The following OTULINL variants were observed in gnomAD, a reference collection of about 807,000 sequenced individuals.
OTULINL encodes inactive ubiquitin thioesterase OTULINL.
In OTULINL, 42 loss-of-function variants were observed where a neutral mutation model predicts 43.9. That is an observed-to-expected ratio of 0.96 (90% CI 0.75 to 1.24). The LOEUF is 1.24. Among genes scored for constraint, OTULINL ranks in the 50% most tolerant of loss-of-function variants. The pLI is 0.00. For missense variants in OTULINL, 411 were observed against 426.4 expected (o/e 0.96, Z 0.32); for synonymous variants, 172 against 153.6 (o/e 1.12, Z -0.88).
In OTULINL at chr5:14,613,208, C is replaced by G. The variant is rs897401136; in HGVS notation, c.*2894C>G. Among the ~76,000 whole-genome samples the G allele has an allele frequency of 9.2e-5, 14 of 152,214 alleles. No homozygotes were observed. Among genetic ancestry groups the G allele is most frequent in the Non-Finnish European group, 1.9e-4 (13 of 68,032 alleles). On this transcript the variant is annotated 3_prime_UTR_variant, in exon 8 of 8. Transcript: ENST00000274217. ...AAGTGCTGGGATTACGGGTGTGAGC[C>G]ACTGCGCCCGGCCCTAACAATTTTT...
intron 1 of OTULINL, among the ~76,000 whole-genome samples, chr5:14,587,300 G>T (rs1002489938): frequency 6.6e-6 from 1 of 152,198 alleles, no homozygotes; most frequent in African/African-American, 2.4e-5. Flanking sequence ...AATGCACCAC[G>T]TGGACAGGTC....
At chr5:14,583,555 C>T (rs1024828916) in intron 1 of OTULINL, among the ~76,000 whole-genome samples, 1 of 152,170 alleles carries the variant, frequency 6.6e-6, no homozygotes, top group African/African-American at 2.4e-5. Context: ...CGGAATTTTT[C>T]CTTTCTTTGC....
intron 5 of OTULINL, among the ~76,000 whole-genome samples, chr5:14,605,274 C>A (rs1306669481): frequency 6.6e-6 from 1 of 152,012 alleles, no homozygotes; most frequent in Non-Finnish European, 1.5e-5. Flanking sequence ...TGCTTGGCCC[C>A]TTTTAGTCAT....
intron 1 of OTULINL, among the ~76,000 whole-genome samples, chr5:14,595,231 G>A (rs1394421484): frequency 6.6e-6 from 1 of 152,194 alleles, no homozygotes; most frequent in Non-Finnish European, 1.5e-5. Flanking sequence ...AGGTGACAGA[G>A]TCTGTGTGTA....
intron 1 of OTULINL, among the ~76,000 whole-genome samples, chr5:14,588,228 C>T (rs980016880): frequency 6.6e-6 from 1 of 152,178 alleles, no homozygotes; most frequent in Non-Finnish European, 1.5e-5. Flanking sequence ...ATTCCTCCAA[C>T]ATAACTCTGA....
chr5:14,610,058 C>A, intron 7 of OTULINL, 83 bp from the exon 8 acceptor site: 2 of 1,215,482 alleles, frequency 1.6e-6, no homozygotes, highest in Non-Finnish European at 2.4e-6. Context: ...TCATAAACTG[C>A]AGAGGAACAC....
At chr5:14,583,730 A>G (rs1759058006) in intron 1 of OTULINL, among the ~76,000 whole-genome samples, 1 of 152,242 alleles carries the variant, frequency 6.6e-6, no homozygotes, top group Non-Finnish European at 1.5e-5. Flanking sequence ...ACTTACAAGC[A>G]TAGTTTCCCT....
At position 14,607,403 on chromosome 5, in the gene OTULINL, C is replaced by T. The variant is rs1759501339; in HGVS notation, c.572C>T (p.Thr191Ile). 2 of 1,614,086 alleles carry T rather than the reference C, an allele frequency of 1.2e-6. No individual in the cohort carries two copies. The highest frequency in any genetic ancestry group is 1.7e-6 in the Non-Finnish European group (2 of 1,180,004). ...TACAGTTTTGGTCCTGAGAAGTATA[C>T]AGGCTCGAATGTGTTTGGAAAACTA... Reference protein sequence around the residue: ...QQYSFGPEKYTGSNVFGKLRK... With the variant: ...QQYSFGPEKYIGSNVFGKLRK... The change falls in exon 6 of 8, where the codon ACA becomes ATA. Residue 191 changes from threonine to isoleucine, a missense_variant. Physicochemically the swap from Thr to Ile is moderately conservative, Grantham distance 89 (BLOSUM62 -1). Transcript: ENST00000274217.
At chr5:14,592,967 G>A (rs1020049875) in intron 1 of OTULINL, among the ~76,000 whole-genome samples, 3 of 152,182 alleles carry the variant, frequency 2.0e-5, no homozygotes, top group African/African-American at 2.4e-5. Flanking sequence ...ACTTCGTTTA[G>A]CTCAGATTCC....
chr5:14,602,407 G>T, intron 5 of OTULINL, 75 bp downstream of exon 5: 2 of 1,387,658 alleles, frequency 1.4e-6, no homozygotes, highest in South Asian at 1.3e-5. Flanking sequence ...GTCTTTGGGG[G>T]CTTTGTACTC....
At chr5:14,601,183 C>G in intron 2 of OTULINL, 30 bp from the exon 3 acceptor site, 1 of 1,611,754 alleles carries the variant, frequency 6.2e-7, no homozygotes, top group Non-Finnish European at 8.5e-7. Flanking sequence ...AAGCAGAATT[C>G]TGATATTATT....
At chr5:14,592,250 A>G (rs1358909267) in intron 1 of OTULINL, among the ~76,000 whole-genome samples, 1 of 152,208 alleles carries the variant, frequency 6.6e-6, no homozygotes, top group Non-Finnish European at 1.5e-5. Context: ...GACCACGAAG[A>G]GACTCCCCAA....
chr5:14,614,114 G>A lies in OTULINL; in HGVS notation c.*3800G>A, dbSNP rs895038991. On this transcript the variant is annotated 3_prime_UTR_variant, in exon 8 of 8. Transcript: ENST00000274217. ...ATTAGCAATAATTTTCTCTTAAATA[G>A]CAAATTTCTAAAGCTGTATGATTCT... 6.6e-6 allele frequency among the ~76,000 whole-genome samples: 1 copy of A among 152,114 alleles called. No homozygotes were observed. The highest frequency in any genetic ancestry group is 1.5e-5 in the Non-Finnish European group (1 of 68,024).
Position 14,612,931 on chromosome 5 carries a change from T to A in OTULINL, c.*2617T>A, listed in dbSNP as rs1759606726. On this transcript the variant is annotated 3_prime_UTR_variant, in exon 8 of 8. Transcript: ENST00000274217. ...ACATATAGTTTATATTTTAACAATT[T>A]TTTTTTTTGAGACGGAGTTTCACTC... Among the ~76,000 whole-genome samples, 1 of 151,768 alleles carries A rather than the reference T, an allele frequency of 6.6e-6. No homozygotes were observed. The highest frequency in any genetic ancestry group is 1.5e-5 in the Non-Finnish European group (1 of 67,918).
At position 14,614,705 on chromosome 5, in the gene OTULINL, A is replaced by T. The variant is rs1312431885; in HGVS notation, c.*4391A>T. On this transcript the variant is annotated 3_prime_UTR_variant, in exon 8 of 8. Transcript: ENST00000274217. ...ACTTGAAGCTCATGGAATGTGTTGGAGGAGACTCAAGCTCCATGTGGGAAC... is the reference window on the plus strand; with the variant it reads ...ACTTGAAGCTCATGGAATGTGTTGGTGGAGACTCAAGCTCCATGTGGGAAC... The T allele has an allele frequency of 2.5e-6, 1 of 398,706 alleles. No homozygotes were observed. The highest frequency in any genetic ancestry group is 2.1e-5 in the African/African-American group (1 of 48,754). The allele number at this position is 398,706 out of a possible 1,614,324, so 24.7% of individuals were successfully genotyped here. A position where few individuals can be genotyped will look rare whatever the true frequency, so the allele number is the denominator to read the frequency against.
intron 1 of OTULINL, among the ~76,000 whole-genome samples, chr5:14,591,764 C>T (rs1233336271): frequency 6.6e-6 from 1 of 152,120 alleles, no homozygotes; most frequent in Admixed American, 6.5e-5. Flanking sequence ...GCAGTACAAT[C>T]ACAGGCTGCA....
chr5:14,608,773 A>G lies in OTULINL; in HGVS notation c.653A>G (p.Asp218Gly). Residue 218 changes from aspartate to glycine, a missense_variant, in exon 7 of 8, where the codon GAT (aspartate) becomes GGT (glycine). By Grantham distance (94) the Asp-to-Gly change is moderately conservative (BLOSUM62 -1). Transcript: ENST00000274217. ...TGGACTGAATTTAATGGCATTAGAG[A>G]TTATCACAAGAGAGGAAGTATGTGC... is the stretch of plus-strand genomic sequence containing the variant. ...TQWTEFNGIR[D>G]YHKRGSMCNT... 1.2e-6 allele frequency: 2 copies of G among 1,610,192 alleles called. No individual in the cohort carries two copies. Among genetic ancestry groups the G allele is most frequent in the Non-Finnish European group, 1.7e-6 (2 of 1,176,918 alleles).
At chr5:14,607,134 G>A (rs1759493680) in intron 5 of OTULINL, among the ~76,000 whole-genome samples, 196 bp from the exon 6 acceptor site, 1 of 152,140 alleles carries the variant, frequency 6.6e-6, no homozygotes, top group African/African-American at 2.4e-5. Flanking sequence ...GGAGGCTGAG[G>A]CAGCAGAAAC....
rs1759527511 is a variant in OTULINL, at chr5:14,608,992, T to C, written c.872T>C (p.Val291Ala). 2 of 1,613,594 alleles carry C rather than the reference T, an allele frequency of 1.2e-6. No individual in the cohort carries two copies. Among genetic ancestry groups the C allele is most frequent in the Non-Finnish European group, 1.7e-6 (2 of 1,179,796 alleles). ...LSFMMNHLNS[V>A]GDTCGLEQID... ...TTCATGATGAATCACCTGAATTCTGTAGGCGACACATGTGGACTAGAGCAG... is the reference window on the plus strand; with the variant it reads ...TTCATGATGAATCACCTGAATTCTGCAGGCGACACATGTGGACTAGAGCAG... The change falls in exon 7 of 8, where the codon GTA becomes GCA. Residue 291 changes from valine to alanine, a missense_variant. Physicochemically the swap from Val to Ala is moderately conservative, Grantham distance 64. Coordinates refer to ENST00000274217, the MANE Select transcript of OTULINL (RefSeq NM_019018.3).
Sources: allele counts gnomAD v4.1 joint callset (sites outside exome capture counted in the v4.1 genomes callset), GRCh38; gene constraint gnomAD v4.1.1; transcripts MANE v1.5; gene names NCBI Gene and HGNC (gene_info 2026-07-23, HGNC 2026-07-21).